Variants in AUTS2 observed in about 807,000 individuals in gnomAD.
AUTS2 encodes activator of transcription and developmental regulator AUTS2.
AUTS2 carries 17 observed loss-of-function variants against 112.4 expected under a neutral mutation model. The observed-to-expected ratio is 0.15, with a 90% confidence interval of 0.10 to 0.23. AUTS2 has a LOEUF of 0.23. Among genes scored for constraint, AUTS2 ranks in the 10% least tolerant of loss-of-function variants. The pLI is 1.00. For synonymous variants in AUTS2, 751 were observed against 702.7 expected (o/e 1.07, Z -1.09); for missense variants, 1,510 against 1,701.6 (o/e 0.89, Z 1.98).
At chr7:70,042,677 T>C (rs1232839795) in intron 2 of AUTS2, among the ~76,000 whole-genome samples, 1 of 152,226 alleles carries the variant, frequency 6.6e-6, no homozygotes, top group Non-Finnish European at 1.5e-5. Flanking sequence ...ATTCTGGAAC[T>C]TTCTTCGGGA....
chr7:69,848,998 A>G (rs1454153492), intron 1 of AUTS2, among the ~76,000 whole-genome samples: 2 of 152,096 alleles, frequency 1.3e-5, no homozygotes, highest in Non-Finnish European at 2.9e-5. Flanking sequence ...CTTTGGCAAC[A>G]CTGCAAGACC....
intron 4 of AUTS2, among the ~76,000 whole-genome samples, chr7:70,304,640 G>T (rs887399099): frequency 1.4e-4 from 21 of 151,696 alleles, no homozygotes; most frequent in Admixed American, 2.6e-4. Context: ...GAGCAGGGCT[G>T]GTTCCCTTTT....
chr7:70,745,821 T>G (rs1049300880), intron 6 of AUTS2, among the ~76,000 whole-genome samples: 1 of 152,230 alleles, frequency 6.6e-6, no homozygotes, highest in South Asian at 2.1e-4. Context: ...ATTTCACACT[T>G]GCTTGCGTTA....
In AUTS2 at chr7:70,040,453, A is replaced by G. The variant is rs1801196772; in HGVS notation, c.523-77679A>G. Among the ~76,000 whole-genome samples the G allele has an allele frequency of 1.3e-5, 2 of 152,384 alleles. 1 individual carries two copies. The highest frequency in any genetic ancestry group is 1.3e-4 in the Admixed American group (2 of 15,308). On this transcript the variant is annotated intron_variant, in intron 2 of 18. Coordinates refer to ENST00000342771, the MANE Select transcript of AUTS2 (RefSeq NM_015570.4). ...AAGACGATGTTTAAATTAATATACT[A>G]CAGATACAGTTTGCTTTACTGAAAT...
At chr7:69,710,923 C>G (rs567436804) in intron 1 of AUTS2, among the ~76,000 whole-genome samples, 27 of 152,236 alleles carry the variant, frequency 1.8e-4, no homozygotes, top group Non-Finnish European at 3.2e-4. Context: ...GGAGGAAGAT[C>G]TCATTGTCAG....
At chr7:70,643,606 A>G (rs1469808048) in intron 5 of AUTS2, among the ~76,000 whole-genome samples, 2 of 152,184 alleles carry the variant, frequency 1.3e-5, no homozygotes, top group Non-Finnish European at 2.9e-5. Flanking sequence ...GACAAACCTA[A>G]GTTATCTTTC....
rs371206262 is a variant in AUTS2 at position 70,766,164 on chromosome 7, A to G, written c.1519A>G (p.Ser507Gly). The G allele has an allele frequency of 1.2e-5, 20 of 1,614,006 alleles. No individual in the cohort carries two copies. The highest frequency in any genetic ancestry group is 1.6e-5 in the Non-Finnish European group (19 of 1,180,038). ...GAACACTCGTTTTTTGGCCTCTCAG[A>G]GTGCTGACCGCGGGGCTTCCCTGGG... ...ELNTRFLASQ[S>G]ADRGASLGPP... is the part of the protein sequence containing the mutation. Residue 507 changes from serine (S) to glycine (G), a missense_variant, in exon 9 of 19, where the codon AGT becomes GGT. Around this residue, in one of 3 missense-constraint regions of AUTS2, gnomAD observed 187 missense variants for 309.7 expected, o/e 0.60. Transcript: ENST00000342771. This position sits in a 1 kb window ranked among gnomAD's most constrained non-coding sequence, Gnocchi z 4.8.
intron 4 of AUTS2, among the ~76,000 whole-genome samples, chr7:70,204,614 G>C (rs1045973104): frequency 2.6e-5 from 4 of 152,086 alleles, no homozygotes; most frequent in African/African-American, 9.7e-5. Context: ...AAGTCTAAAG[G>C]TTGTAATTCC....
At chr7:69,876,349 AATATATATATATATATATAT>A (rs61416382) in intron 1 of AUTS2, among the ~76,000 whole-genome samples, 2 of 29,494 alleles carry the variant, frequency 6.8e-5, no homozygotes, top group Non-Finnish European at 1.1e-4. Flanking sequence ...AAAAAAAAAA[AATATATATATATATATATAT>A]ATATATATAT....
chr7:70,251,856 CTG>C (rs1436918279), intron 4 of AUTS2, among the ~76,000 whole-genome samples: 7 of 152,096 alleles, frequency 4.6e-5, no homozygotes, highest in African/African-American at 1.4e-4. Flanking sequence ...AGGTCAGAAA[CTG>C]TGTGAATAAT....
intron 2 of AUTS2, among the ~76,000 whole-genome samples, chr7:70,087,537 T>C (rs962093955): frequency 1.3e-5 from 2 of 151,604 alleles, no homozygotes; most frequent in African/African-American, 4.9e-5. Flanking sequence ...GCCTGGCTAA[T>C]TTTTTGTGTT....
chr7:70,787,509 C>T, intron 18 of AUTS2, 78 bp downstream of exon 18: 1 of 1,053,002 alleles, frequency 9.5e-7, no homozygotes, highest in East Asian at 2.6e-5. Flanking sequence ...GGCCGCCCAC[C>T]CTCCCTGTCC....
In AUTS2 at chr7:70,635,485, C is replaced by A. The variant is rs550902614; in HGVS notation, c.691-63084C>A. Among the ~76,000 whole-genome samples, 156 of 152,200 alleles carry A rather than the reference C, an allele frequency of 1.0e-3. 1 individual carries two copies. Among genetic ancestry groups the A allele is most frequent in the Non-Finnish European group, 1.8e-3 (123 of 68,038 alleles). On this transcript the variant is annotated intron_variant, in intron 5 of 18. Transcript: ENST00000342771. ...ACAGCCCGTCCCAGGCCTTGAAGGGCTTCATCTGAGGACCCGAAGGCCTGG... is the reference window on the plus strand; with the variant it reads ...ACAGCCCGTCCCAGGCCTTGAAGGGATTCATCTGAGGACCCGAAGGCCTGG...
At chr7:69,783,234 A>C (rs11769738) in intron 1 of AUTS2, among the ~76,000 whole-genome samples, 15,112 of 151,180 alleles carry the variant, frequency 0.1, 1,197 homozygotes, top group African/African-American at 0.22. Context: ...GATACTTGTC[A>C]TCCTTTGGAG....
intron 5 of AUTS2, among the ~76,000 whole-genome samples, chr7:70,635,213 T>C (rs1426388792): frequency 6.6e-6 from 1 of 152,184 alleles, no homozygotes; most frequent in Non-Finnish European, 1.5e-5. Context: ...TTTGAGCTCC[T>C]CTTCATGTCT....
At position 69,958,889 on chromosome 7, in the gene AUTS2, CA is replaced by C. The variant is rs1797321521; in HGVS notation, c.522+59392del. Among the ~76,000 whole-genome samples, 5 of 152,276 alleles carry C rather than the reference CA, an allele frequency of 3.3e-5. No homozygotes were observed. The South Asian group carries it at 1.0e-3, about 32-fold the overall frequency. On this transcript the variant is annotated intron_variant, in intron 2 of 18. Coordinates refer to ENST00000342771, the MANE Select transcript of AUTS2 (RefSeq NM_015570.4). Reference sequence around the variant, plus strand: ...TTTTTGGCATTGGAAAGGGGAAAGCCAGAGTATTCCTTGAGGAATGACATTT... The same window carrying C: ...TTTTTGGCATTGGAAAGGGGAAAGCCGAGTATTCCTTGAGGAATGACATTT...
intron 4 of AUTS2, among the ~76,000 whole-genome samples, chr7:70,135,299 T>C (rs1806492751): frequency 6.6e-6 from 1 of 151,954 alleles, no homozygotes; most frequent in South Asian, 2.1e-4. Context: ...AAGATACAAA[T>C]GAAAAAGAGT....
At chr7:70,295,830 G>C (rs1360996387) in intron 4 of AUTS2, among the ~76,000 whole-genome samples, 1 of 152,128 alleles carries the variant, frequency 6.6e-6, no homozygotes, top group Non-Finnish European at 1.5e-5. Context: ...AGTTTCATTT[G>C]TGTGACCAAG....
chr7:70,675,474 C>T lies in AUTS2; in HGVS notation c.691-23095C>T, dbSNP rs185978102. ...TCGTGCCACTGCACTCCAGCCTGGG[C>T]GACAGAGCAAGACTCTGTCTAAAAG... On this transcript the variant is annotated intron_variant, in intron 5 of 18. Coordinates refer to ENST00000342771, the MANE Select transcript of AUTS2 (RefSeq NM_015570.4). Among the ~76,000 whole-genome samples, 275 of 152,226 alleles carry T rather than the reference C, an allele frequency of 1.8e-3. 4 individuals are homozygous for T. The East Asian group carries it at 0.031, about 17-fold the overall frequency.
Sources: gnomAD v4.1 joint callset for allele counts (sites outside exome capture counted in the v4.1 genomes callset) on GRCh38, gnomAD v4.1.1 for gene constraint, gnomAD v4.1.1 regional missense constraint, Gnocchi (gnomAD v3.1) non-coding constraint, MANE v1.5 for transcripts, NCBI Gene and HGNC (gene_info 2026-07-23, HGNC 2026-07-21) for gene names.